IL1RAPL1: variants seen among roughly 807,000 people sequenced by gnomAD.
IL1RAPL1 encodes the protein interleukin-1 receptor accessory protein-like 1.
In IL1RAPL1, 3 loss-of-function variants were observed where a neutral mutation model predicts 48.4. That is an observed-to-expected ratio of 0.06 (90% CI 0.03 to 0.16). The LOEUF is 0.16. Ranked by LOEUF, IL1RAPL1 falls within the 10% of genes least tolerant of loss-of-function variation. IL1RAPL1 has a pLI of 1.00. For missense variants in IL1RAPL1, 349 were observed against 530.6 expected (o/e 0.66, Z 3.36); for synonymous variants, 185 against 187.7 (o/e 0.99, Z 0.12).
chrX:29,344,912 A>G (rs1196364035), intron 3 of IL1RAPL1, among the ~76,000 whole-genome samples: 1 of 112,845 alleles, frequency 8.9e-6, no homozygotes, highest in Non-Finnish European at 1.9e-5. Flanking sequence ...TTGGGATTAC[A>G]GGCGTGAGCC....
At chrX:29,136,485 T>C (rs761254000) in intron 2 of IL1RAPL1, among the ~76,000 whole-genome samples, 10 of 111,658 alleles carry the variant, frequency 9.0e-5, no homozygotes, top group Admixed American at 2.9e-4. Context: ...GTACTCACTG[T>C]GTGATCTTTT....
intron 6 of IL1RAPL1, among the ~76,000 whole-genome samples, chrX:29,895,275 G>A (rs1569196609): frequency 9.0e-6 from 1 of 111,563 alleles, no homozygotes; most frequent in African/African-American, 3.3e-5. Flanking sequence ...ATGAAGCTGG[G>A]CACAGTGGCT....
chrX:28,857,011 T>A (rs1921821084), intron 2 of IL1RAPL1, among the ~76,000 whole-genome samples: 1 of 112,022 alleles, frequency 8.9e-6, no homozygotes, highest in Admixed American at 9.5e-5. Context: ...AAATTAAAAA[T>A]GCTACTCAGT....
intron 5 of IL1RAPL1, among the ~76,000 whole-genome samples, chrX:29,471,622 C>T (rs1266267916): frequency 9.0e-6 from 1 of 111,529 alleles, no homozygotes; most frequent in Non-Finnish European, 1.9e-5. Context: ...GATTCCGTTC[C>T]CAAGCTTAAC....
chrX:29,461,645 T>C (rs1455316934), intron 5 of IL1RAPL1, among the ~76,000 whole-genome samples: 2 of 111,404 alleles, frequency 1.8e-5, no homozygotes, highest in Admixed American at 9.6e-5. Flanking sequence ...ATAAACAAAA[T>C]ATGATATAGG....
At chrX:29,774,659 A>G (rs1025991886) in intron 6 of IL1RAPL1, among the ~76,000 whole-genome samples, 1 of 111,919 alleles carries the variant, frequency 8.9e-6, no homozygotes, top group African/African-American at 3.2e-5. Context: ...ACTTTAAACT[A>G]GAAATGCATT....
At chrX:29,283,991 T>A (rs191925485) in intron 3 of IL1RAPL1, among the ~76,000 whole-genome samples, 2 of 112,992 alleles carry the variant, frequency 1.8e-5, no homozygotes, top group East Asian at 5.5e-4. Flanking sequence ...TGATCATGTA[T>A]GTCATTGGAC....
chrX:29,557,845 A>G (rs772676935), intron 5 of IL1RAPL1, among the ~76,000 whole-genome samples: 2 of 110,839 alleles, frequency 1.8e-5, no homozygotes, highest in African/African-American at 3.3e-5. Flanking sequence ...AAATGGCATG[A>G]TATCCTTTTT....
intron 5 of IL1RAPL1, among the ~76,000 whole-genome samples, chrX:29,430,436 C>G (rs1168288137): frequency 1.8e-5 from 2 of 111,710 alleles, no homozygotes; most frequent in African/African-American, 6.5e-5. Context: ...AAAATGGGTC[C>G]TCAGATTTCC....
At position 29,476,408 on chromosome X, in the gene IL1RAPL1, A is replaced by G. The variant is rs779063442; in HGVS notation, c.703+77100A>G. Among the ~76,000 whole-genome samples the G allele has an allele frequency of 3.6e-5, 4 of 112,011 alleles. No homozygotes were observed. The East Asian group carries it at 1.1e-3, about 31-fold the overall frequency. On this transcript the variant is annotated intron_variant, in intron 5 of 10. Coordinates refer to ENST00000378993, the MANE Select transcript of IL1RAPL1 (RefSeq NM_014271.4). ...TATACATTTTTCTCTGTGTACTTCT[A>G]TTGTAAATGTATAGTTCTATTATCA... is the stretch of plus-strand genomic sequence containing the variant.
intron 6 of IL1RAPL1, among the ~76,000 whole-genome samples, chrX:29,686,926 A>G: frequency 9.1e-6 from 1 of 110,057 alleles, no homozygotes; most frequent in South Asian, 4.0e-4. Context: ...ATTCAGAGAA[A>G]TACACATCAA....
chrX:29,016,012 T>C (rs1163920905), intron 2 of IL1RAPL1, among the ~76,000 whole-genome samples: 3 of 111,992 alleles, frequency 2.7e-5, no homozygotes, highest in South Asian at 3.7e-4. Flanking sequence ...ATTAGACATA[T>C]ACAGAACTGA....
chrX:28,694,967 A>T (rs775366419), intron 1 of IL1RAPL1, among the ~76,000 whole-genome samples: 66 of 108,916 alleles, frequency 6.1e-4, no homozygotes, highest in Non-Finnish European at 1.1e-3. Flanking sequence ...ATTCCTGTTA[A>T]TTTTTTTTTA....
At chrX:29,474,832 A>T (rs1459662731) in intron 5 of IL1RAPL1, among the ~76,000 whole-genome samples, 2 of 111,491 alleles carry the variant, frequency 1.8e-5, no homozygotes, top group African/African-American at 6.5e-5. Context: ...TTTCAACATG[A>T]GGTTTGGAGG....
At chrX:29,252,482 A>T (rs1931671306) in intron 2 of IL1RAPL1, among the ~76,000 whole-genome samples, 1 of 113,992 alleles carries the variant, frequency 8.8e-6, no homozygotes, top group Non-Finnish European at 1.9e-5. Flanking sequence ...TTATTTAGGG[A>T]AATTGAAACA....
rs774045938 is a variant in IL1RAPL1, at chrX:28,949,597, C to G, written c.82+160172C>G. On this transcript the variant is annotated intron_variant, in intron 2 of 10. Transcript: ENST00000378993. The stretch of plus-strand genomic sequence containing the variant: ...CTATTTCTCCACATCCTCTCCAGCA[C>G]CTGTTGTTTCCTGACTTTTTAATGA... Among the ~76,000 whole-genome samples, 6 of 111,249 alleles carry G rather than the reference C, an allele frequency of 5.4e-5. No individual in the cohort carries two copies. In the South Asian group the frequency reaches 2.3e-3, roughly 42 times the overall value.
At chrX:29,487,977 C>A (rs1441469657) in intron 5 of IL1RAPL1, among the ~76,000 whole-genome samples, 1 of 111,987 alleles carries the variant, frequency 8.9e-6, no homozygotes, top group African/African-American at 3.2e-5. Context: ...CATCTTTAGT[C>A]TTCCTAAGGG....
intron 5 of IL1RAPL1, among the ~76,000 whole-genome samples, chrX:29,571,854 C>A (rs1228691930): frequency 9.0e-6 from 1 of 111,454 alleles, no homozygotes; most frequent in Non-Finnish European, 1.9e-5. Context: ...AATTGAGACT[C>A]CCTGAAGGTC....
At chrX:28,634,968 C>T (rs769506963) in intron 1 of IL1RAPL1, among the ~76,000 whole-genome samples, 1 of 69,901 alleles carries the variant, frequency 1.4e-5, no homozygotes. Flanking sequence ...CACCGAATGC[C>T]TTTTTTATGA....
Sources: allele counts gnomAD v4.1 joint callset (sites outside exome capture counted in the v4.1 genomes callset), GRCh38; gene constraint gnomAD v4.1.1; transcripts MANE v1.5; gene names NCBI Gene and HGNC (gene_info 2026-07-23, HGNC 2026-07-21).